The following RFX3 variants were observed in gnomAD, a reference collection of about 807,000 sequenced individuals.
The protein encoded by RFX3 is regulatory factor X3.
RFX3 carries 14 observed loss-of-function variants against 98.6 expected under a neutral mutation model. The observed-to-expected ratio is 0.14, with a 90% CI of 0.09 to 0.22. RFX3 has a LOEUF of 0.22. Ranked by LOEUF, RFX3 falls within the 10% of genes least tolerant of loss-of-function variation. RFX3 has a pLI of 1.00. For synonymous variants in RFX3, 383 were observed against 328.4 expected (o/e 1.17, Z -1.80); for missense variants, 639 against 926.9 (o/e 0.69, Z 4.03).
At chr9:3,349,978 G>C (rs1483453423) in intron 2 of RFX3, among the ~76,000 whole-genome samples, 1 of 151,866 alleles carries the variant, frequency 6.6e-6, no homozygotes, top group Non-Finnish European at 1.5e-5. Context: ...CAAAACCGAA[G>C]ACAAATGAGC....
chr9:3,429,174 C>G (rs1156834254), intron 1 of RFX3, among the ~76,000 whole-genome samples: 1 of 151,210 alleles, frequency 6.6e-6, no homozygotes, highest in Non-Finnish European at 1.5e-5. Flanking sequence ...AGGCGCCCGC[C>G]AACACGTCCG....
chr9:3,426,699 G>C (rs1844071075), intron 1 of RFX3, among the ~76,000 whole-genome samples: 2 of 152,138 alleles, frequency 1.3e-5, no homozygotes, highest in Admixed American at 1.3e-4. Context: ...TAGGTTGCAT[G>C]TTTCTTATGA....
At chr9:3,315,991 T>C (rs1015597376) in intron 4 of RFX3, among the ~76,000 whole-genome samples, 2 of 151,926 alleles carry the variant, frequency 1.3e-5, no homozygotes, top group African/African-American at 4.8e-5. Context: ...TTCCAATCAA[T>C]AGAAAAAGAG....
At chr9:3,468,815 GAA>G (rs34057815) in intron 1 of RFX3, among the ~76,000 whole-genome samples, 107 of 84,266 alleles carry the variant, frequency 1.3e-3, no homozygotes, top group African/African-American at 3.5e-3. Flanking sequence ...TTTTCCTTTT[GAA>G]AAAAAAAAAA....
chr9:3,500,654 A>C lies in RFX3; in HGVS notation c.-9+25093T>G, dbSNP rs561950965. Among the ~76,000 whole-genome samples the C allele has an allele frequency of 4.4e-3, 665 of 152,264 alleles. 4 individuals are homozygous for C. Among genetic ancestry groups the C allele is most frequent in the Non-Finnish European group, 7.9e-3 (537 of 68,012 alleles). On this transcript the variant is annotated intron_variant, in intron 1 of 16. Coordinates refer to ENST00000617270, the MANE Select transcript of RFX3 (RefSeq NM_001282116.2). ...GATTCCATAGGGCCTAATGTATGAA[A>C]ACCTTTTAAAAGTAATTAAAATTGA...
chr9:3,421,173 T>G (rs953752856), intron 1 of RFX3, among the ~76,000 whole-genome samples: 1 of 151,844 alleles, frequency 6.6e-6, no homozygotes, highest in Admixed American at 6.6e-5. Flanking sequence ...AACAGCAAAA[T>G]AAGATATTAA....
chr9:3,247,599 T>C, intron 15 of RFX3: 1 of 1,280,306 alleles, frequency 7.8e-7, no homozygotes, highest in Non-Finnish European at 9.9e-7. Context: ...CATTACCATT[T>C]TTATCCTTCT....
At position 3,232,067 on chromosome 9, in the gene RFX3, C is replaced by T. The variant is rs1041684655; in HGVS notation, c.1969-3178G>A. Among the ~76,000 whole-genome samples the T allele has an allele frequency of 4.7e-5, 7 of 149,310 alleles. No individual in the cohort carries two copies. In the East Asian group the frequency reaches 1.4e-3, roughly 30 times the overall value. On this transcript the variant is annotated intron_variant, in intron 15 of 16. Transcript: ENST00000617270. ...GCAAGCAAGCAAGCAAGCAAGCAAG[C>T]AAGCAAACAAACAAAAAACAGAAGA... is the stretch of plus-strand genomic sequence containing the variant.
intron 15 of RFX3, among the ~76,000 whole-genome samples, chr9:3,233,643 T>C (rs754792998): frequency 5.9e-5 from 9 of 152,156 alleles, no homozygotes; most frequent in East Asian, 3.9e-4. Flanking sequence ...CTGGAAGAGT[T>C]TACCCCACCC....
chr9:3,463,092 T>A (rs550130444), intron 1 of RFX3, among the ~76,000 whole-genome samples: 19 of 152,090 alleles, frequency 1.2e-4, no homozygotes, highest in Middle Eastern at 3.4e-3. Context: ...AAAACACTTT[T>A]GAAACACAAG....
At chr9:3,272,076 CA>C in intron 9 of RFX3, among the ~76,000 whole-genome samples, 1 of 152,100 alleles carries the variant, frequency 6.6e-6, no homozygotes, top group South Asian at 2.1e-4. Flanking sequence ...CGTTAACTGT[CA>C]ATGATGATAA....
intron 2 of RFX3, among the ~76,000 whole-genome samples, chr9:3,377,941 T>A (rs138291720): frequency 6.6e-6 from 1 of 152,174 alleles, no homozygotes. Flanking sequence ...TATTTACTTA[T>A]AAATTATATA....
chr9:3,233,410 C>T (rs765327796), intron 15 of RFX3, among the ~76,000 whole-genome samples: 1 of 152,154 alleles, frequency 6.6e-6, no homozygotes, highest in Non-Finnish European at 1.5e-5. Flanking sequence ...GACCACTGTA[C>T]ATTCAATTCA....
At chr9:3,426,685 G>GATCT (rs1470062528) in intron 1 of RFX3, among the ~76,000 whole-genome samples, 11 of 152,264 alleles carry the variant, frequency 7.2e-5, no homozygotes, top group Middle Eastern at 3.4e-3. Flanking sequence ...CCATGCGAGG[G>GATCT]ATCTAGGTTG....
chr9:3,438,466 G>A (rs1645548534), intron 1 of RFX3, among the ~76,000 whole-genome samples: 1 of 151,766 alleles, frequency 6.6e-6, no homozygotes, highest in Non-Finnish European at 1.5e-5. Flanking sequence ...GGTAGAAAAA[G>A]AAAAAGAAAG....
At chr9:3,490,354 T>G in intron 1 of RFX3, 1 of 976,126 alleles carries the variant, frequency 1.0e-6, no homozygotes, top group Non-Finnish European at 1.2e-6. Flanking sequence ...GCCTAAAATA[T>G]TAAAAGCAAG....
intron 1 of RFX3, among the ~76,000 whole-genome samples, chr9:3,442,020 T>C (rs1845648572): frequency 6.6e-6 from 1 of 151,976 alleles, no homozygotes; most frequent in Admixed American, 6.6e-5. Context: ...GTCAACATGG[T>C]GAAACCCTGT....
intron 1 of RFX3, among the ~76,000 whole-genome samples, chr9:3,443,820 C>G (rs1346254368): frequency 2.0e-5 from 3 of 152,142 alleles, no homozygotes; most frequent in African/African-American, 7.2e-5. Flanking sequence ...ACACTCCCAC[C>G]AACGATGTAA....
rs1015530723 is a variant in RFX3 at position 3,218,747 on chromosome 9, A to T, written c.*6295T>A. 3.3e-5 allele frequency: 5 copies of T among 152,200 alleles called. No individual in the cohort carries two copies. The highest frequency in any genetic ancestry group is 1.2e-4 in the African/African-American group (5 of 41,462). 9.4% of individuals were successfully genotyped at this position (152,200 alleles called of 1,614,324 possible). On this transcript the variant is annotated 3_prime_UTR_variant, in exon 17 of 17. Transcript: ENST00000617270. ...AAAAGAACATTACATTATCTCACACATACAATCTCTACAAAAGTTGCTTAC... is the reference window on the plus strand; with the variant it reads ...AAAAGAACATTACATTATCTCACACTTACAATCTCTACAAAAGTTGCTTAC...
Sources: allele counts gnomAD v4.1 joint callset (sites outside exome capture counted in the v4.1 genomes callset), GRCh38; gene constraint gnomAD v4.1.1; transcripts MANE v1.5; gene names NCBI Gene and HGNC (gene_info 2026-07-23, HGNC 2026-07-21).